The following PAFAH1B1 variants were observed in gnomAD, a reference collection of about 807,000 sequenced individuals.
The protein encoded by PAFAH1B1 is platelet activating factor acetylhydrolase 1b regulatory subunit 1.
PAFAH1B1 carries 2 observed loss-of-function variants against 57.5 expected under a neutral mutation model. The ratio of observed to expected loss-of-function variants is 0.03; its 90% CI spans 0.01 to 0.11. PAFAH1B1 has a LOEUF of 0.11. Among genes scored for constraint, PAFAH1B1 ranks in the 10% least tolerant of loss-of-function variants. The pLI is 1.00. For synonymous variants in PAFAH1B1, 152 were observed against 169.6 expected (o/e 0.90, Z 0.81); for missense variants, 257 against 512.0 (o/e 0.50, Z 4.81).
At chr17:2,621,410 T>C (rs1250184994) in intron 1 of PAFAH1B1, among the ~76,000 whole-genome samples, 1 of 152,188 alleles carries the variant, frequency 6.6e-6, no homozygotes, top group East Asian at 1.9e-4. Context: ...AAACATCTGG[T>C]AACTTGCAAG....
At chr17:2,608,259 A>G (rs2068228155) in intron 1 of PAFAH1B1, among the ~76,000 whole-genome samples, 1 of 151,896 alleles carries the variant, frequency 6.6e-6, no homozygotes, top group Non-Finnish European at 1.5e-5. Context: ...TAATTTTTGT[A>G]TTTTTAGTAG....
chr17:2,606,831 T>G (rs958161366), intron 1 of PAFAH1B1, among the ~76,000 whole-genome samples: 1 of 144,504 alleles, frequency 6.9e-6, no homozygotes, highest in Non-Finnish European at 1.5e-5. Context: ...TTTTTTTTTT[T>G]TTTTTTAAGA....
intron 1 of PAFAH1B1, among the ~76,000 whole-genome samples, chr17:2,633,010 C>T (rs774737741): frequency 2.1e-4 from 32 of 152,184 alleles, no homozygotes; most frequent in Admixed American, 1.2e-3. Flanking sequence ...CATCACTACA[C>T]CAATATAAAC....
chr17:2,609,888 G>A lies in PAFAH1B1; in HGVS notation c.-191+15882G>A, dbSNP rs565676656. 5.3e-5 allele frequency among the ~76,000 whole-genome samples: 8 copies of A among 152,056 alleles called. No homozygotes were observed. The South Asian group carries it at 8.3e-4, about 16-fold the overall frequency. ...CGCCCATGCTAGAGTGCAGTGGCACGATCTCGGCTCACTGTAGCCTTTGCC... is the reference window on the plus strand; with the variant it reads ...CGCCCATGCTAGAGTGCAGTGGCACAATCTCGGCTCACTGTAGCCTTTGCC... On this transcript the variant is annotated intron_variant, in intron 1 of 10. Transcript: ENST00000397195.
At chr17:2,619,498 G>C (rs1423589697) in intron 1 of PAFAH1B1, among the ~76,000 whole-genome samples, 3 of 151,314 alleles carry the variant, frequency 2.0e-5, no homozygotes, top group Non-Finnish European at 4.4e-5. Flanking sequence ...CAAAGTGCTG[G>C]GTTTACAGGT....
intron 1 of PAFAH1B1, 121 bp downstream of exon 1, chr17:2,594,127 T>G: frequency 2.6e-6 from 1 of 381,074 alleles, no homozygotes. Flanking sequence ...CATTCTCCCC[T>G]CCCCCTGCCT....
rs552240506 is a variant in PAFAH1B1 at position 2,628,170 on chromosome 17, A to G, written c.-190-9929A>G. ...TGTCTTGTTCGAGTTCTCAGAGGGAATGCTTTCAACTTTTCCCCTTTCATT... is the reference window on the plus strand; with the variant it reads ...TGTCTTGTTCGAGTTCTCAGAGGGAGTGCTTTCAACTTTTCCCCTTTCATT... On this transcript the variant is annotated intron_variant, in intron 1 of 10. Transcript: ENST00000397195. 2.0e-5 allele frequency among the ~76,000 whole-genome samples: 3 copies of G among 152,264 alleles called. No homozygotes were observed. The South Asian group carries it at 6.2e-4, about 32-fold the overall frequency.
chr17:2,599,244 A>G (rs537273709), intron 1 of PAFAH1B1, among the ~76,000 whole-genome samples: 1 of 152,314 alleles, frequency 6.6e-6, no homozygotes, highest in Non-Finnish European at 1.5e-5. Flanking sequence ...AATCCAGAGA[A>G]TTTCTTTTCC....
chr17:2,598,687 C>G (rs779922177), intron 1 of PAFAH1B1, among the ~76,000 whole-genome samples: 1 of 151,578 alleles, frequency 6.6e-6, no homozygotes, highest in East Asian at 1.9e-4. Context: ...ACAGACCTAC[C>G]GTTCTCCAGA....
At chr17:2,608,345 A>G (rs2151613053) in intron 1 of PAFAH1B1, among the ~76,000 whole-genome samples, 1 of 152,232 alleles carries the variant, frequency 6.6e-6, no homozygotes, top group Middle Eastern at 3.4e-3. Flanking sequence ...CAGCCTCTCA[A>G]AGTGCTGGGA....
chr17:2,623,384 G>A (rs1194431439), intron 1 of PAFAH1B1, among the ~76,000 whole-genome samples: 5 of 144,936 alleles, frequency 3.4e-5, no homozygotes, highest in East Asian at 2.2e-4. Context: ...TCAGCCTCCC[G>A]AGTAGCTGGG....
At chr17:2,680,488 CT>C in intron 10 of PAFAH1B1, among the ~76,000 whole-genome samples, 168 bp downstream of exon 10, 1 of 152,290 alleles carries the variant, frequency 6.6e-6, no homozygotes, top group African/African-American at 2.4e-5. Context: ...TTAAATTCTC[CT>C]TTCCCGTTAA....
At chr17:2,634,647 C>T (rs531792753) in intron 1 of PAFAH1B1, among the ~76,000 whole-genome samples, 1 of 152,210 alleles carries the variant, frequency 6.6e-6, no homozygotes, top group African/African-American at 2.4e-5. Flanking sequence ...CTATTCTTCA[C>T]TATGTAAGTG....
chr17:2,685,262 T>C lies in PAFAH1B1; in HGVS notation c.*3460T>C, dbSNP rs1487928058. On this transcript the variant is annotated 3_prime_UTR_variant, in exon 11 of 11. Coordinates refer to ENST00000397195, the MANE Select transcript of PAFAH1B1 (RefSeq NM_000430.4). ...TGTATCATGGAAGTAGCTGCTTGCTTGTACTGTCCATCCTTCAGGCATCCC... is the reference window on the plus strand; with the variant it reads ...TGTATCATGGAAGTAGCTGCTTGCTCGTACTGTCCATCCTTCAGGCATCCC... 2 of 152,654 alleles carry C rather than the reference T, an allele frequency of 1.3e-5. No individual in the cohort carries two copies. Among genetic ancestry groups the C allele is most frequent in the Admixed American group, 6.5e-5 (1 of 15,288 alleles). The allele number at this position is 152,654 out of a possible 1,614,324, so 9.5% of individuals were successfully genotyped here.
At chr17:2,672,536 G>T (rs2069198644) in intron 6 of PAFAH1B1, 119 bp from the exon 7 acceptor site, 2 of 713,632 alleles carry the variant, frequency 2.8e-6, no homozygotes, top group Non-Finnish European at 2.5e-6. Flanking sequence ...ATAAAATCCA[G>T]TGTATTTAGA....
chr17:2,598,756 G>T (rs1371709629), intron 1 of PAFAH1B1, among the ~76,000 whole-genome samples: 1 of 152,104 alleles, frequency 6.6e-6, no homozygotes, highest in Non-Finnish European at 1.5e-5. Flanking sequence ...TGAGAAATCT[G>T]TATTTCATGA....
chr17:2,614,977 A>G (rs1233052255), intron 1 of PAFAH1B1, among the ~76,000 whole-genome samples: 2 of 152,178 alleles, frequency 1.3e-5, no homozygotes, highest in East Asian at 1.9e-4. Context: ...CCTTCCCACT[A>G]TTTGTGGCAT....
intron 1 of PAFAH1B1, among the ~76,000 whole-genome samples, chr17:2,623,461 T>C (rs1034300139): frequency 6.3e-4 from 95 of 151,888 alleles, no homozygotes; most frequent in African/African-American, 2.2e-3. Flanking sequence ...GGTTTCAGCA[T>C]GTTAGCCAGG....
At chr17:2,618,443 G>T (rs1457371882) in intron 1 of PAFAH1B1, among the ~76,000 whole-genome samples, 2 of 152,140 alleles carry the variant, frequency 1.3e-5, no homozygotes, top group East Asian at 3.9e-4. Context: ...GGTAAGAAAG[G>T]AAATAAAAAG....
Sources: gnomAD v4.1 joint callset for allele counts (sites outside exome capture counted in the v4.1 genomes callset) on GRCh38, gnomAD v4.1.1 for gene constraint, MANE v1.5 for transcripts, NCBI Gene and HGNC (gene_info 2026-07-23, HGNC 2026-07-21) for gene names.